AGMO: variants seen among roughly 807,000 people sequenced by gnomAD.
AGMO encodes the protein alkylglycerol monooxygenase, also known as glyceryl-ether monooxygenase.
A neutral mutation model predicts 60.2 loss-of-function variants in AGMO; 75 were observed. That is an observed-to-expected ratio of 1.25 (90% CI 1.03 to 1.51). The LOEUF is 1.51. AGMO is among the 40% of genes most tolerant of loss of function. The probability of loss-of-function intolerance (pLI) is 0.00; values close to 1 mark genes in which losing one functional copy is unlikely to be tolerated. For missense variants in AGMO, 763 were observed against 525.5 expected (o/e 1.45, Z -4.42); for synonymous variants, 261 against 177.1 (o/e 1.47, Z -3.76).
chr7:15,385,715 G>A, intron 9 of AGMO, among the ~76,000 whole-genome samples, 153 bp from the exon 10 acceptor site: 1 of 152,032 alleles, frequency 6.6e-6, no homozygotes, highest in South Asian at 2.1e-4. Flanking sequence ...TAAGTTAGGA[G>A]ACTTTCTCAT....
At chr7:15,246,561 A>G (rs979647558) in intron 12 of AGMO, among the ~76,000 whole-genome samples, 4 of 152,164 alleles carry the variant, frequency 2.6e-5, no homozygotes, top group Admixed American at 2.6e-4. Flanking sequence ...AGCCCCAAAT[A>G]TACATCCCCA....
At chr7:15,195,600 C>T (rs1019062814), downstream of AGMO, among the ~76,000 whole-genome samples, 11 of 152,198 alleles carry the variant, frequency 7.2e-5, no homozygotes, top group Non-Finnish European at 1.3e-4. Context: ...ATGGAACCAC[C>T]GTTTTGAACA....
intron 12 of AGMO, among the ~76,000 whole-genome samples, chr7:15,331,964 G>T (rs1781508943): frequency 6.6e-6 from 1 of 151,654 alleles, no homozygotes; most frequent in Non-Finnish European, 1.5e-5. Context: ...TCCTGCCAAT[G>T]GAATGGGAGC....
downstream of AGMO, among the ~76,000 whole-genome samples, chr7:15,199,570 C>G (rs185712920): frequency 1.3e-5 from 2 of 152,114 alleles, no homozygotes; most frequent in Non-Finnish European, 2.9e-5. Flanking sequence ...TTTGCCATTA[C>G]TGAAGAATGT....
In AGMO at chr7:15,390,767, AAGATATG is replaced by A. The variant is rs760838821; in HGVS notation, c.743-24_743-18del. 1 of 1,601,832 alleles carries A rather than the reference AAGATATG, an allele frequency of 6.2e-7. No homozygotes were observed. The highest frequency in any genetic ancestry group is 2.2e-5 in the East Asian group (1 of 44,622). ...CAAATGTCCCTGGAAGATAAATATA[AAGATATG>A]AGATTTGGCTTCCTGTAAAGTAAAG... On this transcript the variant is annotated intron_variant, in intron 7 of 12. Transcript: ENST00000342526.
chr7:15,330,305 T>G (rs1781461586), intron 12 of AGMO, among the ~76,000 whole-genome samples: 1 of 152,142 alleles, frequency 6.6e-6, no homozygotes, highest in South Asian at 2.1e-4. Context: ...ACATTAACTT[T>G]ATGTATGGGG....
chr7:15,372,903 T>A (rs2128566642), intron 10 of AGMO, among the ~76,000 whole-genome samples: 1 of 152,316 alleles, frequency 6.6e-6, no homozygotes, highest in Middle Eastern at 3.4e-3. Flanking sequence ...CAGAAAGCAT[T>A]TGGGAAAGAT....
intron 12 of AGMO, among the ~76,000 whole-genome samples, chr7:15,318,264 A>T (rs1781001340): frequency 6.6e-6 from 1 of 152,006 alleles, no homozygotes; most frequent in Admixed American, 6.6e-5. Context: ...TCAGCCTCAC[A>T]ATGTGCTGGA....
chr7:15,329,134 A>G (rs570675370), intron 12 of AGMO, among the ~76,000 whole-genome samples: 2 of 152,244 alleles, frequency 1.3e-5, no homozygotes, highest in South Asian at 2.1e-4. Flanking sequence ...TGCATACTGT[A>G]TATTTTATTA....
At chr7:15,501,359 T>C (rs1477851083) in intron 3 of AGMO, among the ~76,000 whole-genome samples, 1 of 151,958 alleles carries the variant, frequency 6.6e-6, no homozygotes, top group Non-Finnish European at 1.5e-5. Context: ...GGCAAAAAAG[T>C]AGATGCTTGT....
intron 3 of AGMO, among the ~76,000 whole-genome samples, chr7:15,529,787 T>TAC (rs1562555329): frequency 3.5e-4 from 3 of 8,646 alleles, no homozygotes; most frequent in African/African-American, 8.2e-4. Context: ...TTTCTCTATA[T>TAC]ATATTTCTCT....
At chr7:15,475,354 T>C (rs1026650654) in intron 3 of AGMO, among the ~76,000 whole-genome samples, 15 of 152,204 alleles carry the variant, frequency 9.9e-5, no homozygotes, top group African/African-American at 3.4e-4. Flanking sequence ...TGTAATACTA[T>C]GTAGCCACAA....
At chr7:15,430,918 G>T (rs201908184) in intron 4 of AGMO, 87 bp downstream of exon 4, 3 of 395,518 alleles carry the variant, frequency 7.6e-6, no homozygotes, top group African/African-American at 2.3e-5. Flanking sequence ...CCTTCTATTA[G>T]TTTTTTTTTT....
intron 3 of AGMO, among the ~76,000 whole-genome samples, chr7:15,467,566 A>G (rs759073016): frequency 6.6e-6 from 1 of 152,210 alleles, no homozygotes; most frequent in Non-Finnish European, 1.5e-5. Context: ...ACAAAGGTGC[A>G]TGGGAATTTA....
intron 5 of AGMO, among the ~76,000 whole-genome samples, chr7:15,409,365 A>G (rs1784782877): frequency 6.6e-6 from 1 of 151,950 alleles, no homozygotes; most frequent in African/African-American, 2.4e-5. Context: ...TGAAACCCAG[A>G]TAAATGTATT....
At position 15,284,441 on chromosome 7, in the gene AGMO, A is replaced by G. The variant is rs374808130; in HGVS notation, c.1263+81073T>C. ...AAGATCATTTGAGACTACCATAAAC[A>G]CTTTTATGCACACAAACTAAAAAAT... is the stretch of plus-strand genomic sequence containing the variant. On this transcript the variant is annotated intron_variant, in intron 12 of 12. Transcript: ENST00000342526. 4.6e-5 allele frequency among the ~76,000 whole-genome samples: 7 copies of G among 152,194 alleles called. No homozygotes were observed. The East Asian group carries it at 7.7e-4, about 17-fold the overall frequency.
chr7:15,161,839 C>T, the AGMO span, among the ~76,000 whole-genome samples: 16 of 152,132 alleles, frequency 1.1e-4, no homozygotes, highest in South Asian at 1.9e-3. Flanking sequence ...ATGTGGCCTG[C>T]ACAGATGAAC....
At chr7:15,299,955 T>C (rs545323159) in intron 12 of AGMO, among the ~76,000 whole-genome samples, 6 of 151,920 alleles carry the variant, frequency 3.9e-5, no homozygotes, top group Middle Eastern at 3.4e-3. Context: ...GAACAGACTA[T>C]ATGGGCAAAT....
intron 9 of AGMO, among the ~76,000 whole-genome samples, chr7:15,386,857 C>T (rs1783935137): frequency 6.6e-6 from 1 of 152,112 alleles, no homozygotes. Flanking sequence ...CATTTGGGTT[C>T]TGCTGTTTTA....
Sources: gnomAD v4.1 joint callset for allele counts (sites outside exome capture counted in the v4.1 genomes callset) on GRCh38, gnomAD v4.1.1 for gene constraint, MANE v1.5 for transcripts, NCBI Gene and HGNC (gene_info 2026-07-23, HGNC 2026-07-21) for gene names.